MBD5: variants seen among roughly 807,000 people sequenced by gnomAD.
MBD5 encodes the protein methyl-CpG binding domain protein 5.
Under a neutral mutation model 117.3 loss-of-function variants are expected in MBD5, and 13 were observed. The observed-to-expected ratio is 0.11, with a 90% CI of 0.07 to 0.18. The LOEUF is 0.18. MBD5 is among the 10% of genes least tolerant of loss of function. MBD5 has a pLI of 1.00. For missense variants in MBD5, 1,879 were observed against 2,093.8 expected (o/e 0.90, Z 2.00); for synonymous variants, 727 against 766.4 (o/e 0.95, Z 0.85).
chr2:148,103,473 C>G (rs1696284389), intron 1 of MBD5, among the ~76,000 whole-genome samples: 1 of 152,132 alleles, frequency 6.6e-6, no homozygotes, highest in Admixed American at 6.5e-5. Flanking sequence ...GAGGGAGAGC[C>G]AGGACTGTGG....
chr2:148,057,344 C>T (rs1371711798), intron 1 of MBD5, among the ~76,000 whole-genome samples: 1 of 151,704 alleles, frequency 6.6e-6, no homozygotes, highest in Non-Finnish European at 1.5e-5. Context: ...ACTTTAAGTA[C>T]TTACGGCCAT....
intron 4 of MBD5, among the ~76,000 whole-genome samples, chr2:148,420,331 AAC>A (rs1705562198): frequency 6.6e-6 from 1 of 152,194 alleles, no homozygotes; most frequent in Non-Finnish European, 1.5e-5. Context: ...TATTTTCAGT[AAC>A]ACAGTTAGCA....
At chr2:148,040,066 T>C (rs1694312382) in intron 1 of MBD5, among the ~76,000 whole-genome samples, 1 of 152,072 alleles carries the variant, frequency 6.6e-6, no homozygotes, top group Non-Finnish European at 1.5e-5. Context: ...ATCAAAAAAC[T>C]ATGTATTGGG....
intron 1 of MBD5, among the ~76,000 whole-genome samples, chr2:148,140,798 A>AT (rs1260376963): frequency 6.6e-6 from 1 of 150,414 alleles, no homozygotes; most frequent in African/African-American, 2.5e-5. Flanking sequence ...GGCCTATTGT[A>AT]TTGCCCAGGC....
intron 11 of MBD5, among the ~76,000 whole-genome samples, chr2:148,492,820 A>C (rs1175029025): frequency 6.6e-6 from 1 of 152,100 alleles, no homozygotes; most frequent in African/African-American, 2.4e-5. Flanking sequence ...GCCCTAGTTC[A>C]GGAAGAAAAA....
chr2:148,185,679 A>C (rs1161172966), intron 2 of MBD5, among the ~76,000 whole-genome samples: 2 of 152,150 alleles, frequency 1.3e-5, no homozygotes, highest in African/African-American at 2.4e-5. Context: ...AGGTGAGAGG[A>C]TCACTTGAGC....
At chr2:148,313,007 T>C (rs1203011812) in intron 3 of MBD5, among the ~76,000 whole-genome samples, 1 of 152,156 alleles carries the variant, frequency 6.6e-6, no homozygotes, top group African/African-American at 2.4e-5. Context: ...GATTGCTGCC[T>C]GTTCCTTCCT....
At chr2:148,089,757 G>C (rs766177697) in intron 1 of MBD5, among the ~76,000 whole-genome samples, 5 of 151,924 alleles carry the variant, frequency 3.3e-5, no homozygotes, top group Admixed American at 6.6e-5. Flanking sequence ...AGCACAAATA[G>C]ACGATCTAAG....
At chr2:148,353,395 C>A (rs1220773796) in intron 4 of MBD5, among the ~76,000 whole-genome samples, 1 of 152,116 alleles carries the variant, frequency 6.6e-6, no homozygotes, top group African/African-American at 2.4e-5. Flanking sequence ...TCTCTTTCCA[C>A]TTTTCCTTTG....
Position 148,375,913 on chromosome 2 carries a change from G to C in MBD5, c.-557+33577G>C, listed in dbSNP as rs116447189. ...ATCATCGTTCATACTTGAGTGAAAG[G>C]GAGAAGCACATCTGGGGTTGTAGTA... is the stretch of plus-strand genomic sequence containing the variant. On this transcript the variant is annotated intron_variant, in intron 4 of 13. Transcript: ENST00000642680. Among the ~76,000 whole-genome samples, 875 of 151,982 alleles carry C rather than the reference G, an allele frequency of 5.8e-3. 9 individuals are homozygous for C. Among genetic ancestry groups the C allele is most frequent in the Middle Eastern group, 0.02 (6 of 294 alleles).
At chr2:148,074,503 T>G (rs917853611) in intron 1 of MBD5, among the ~76,000 whole-genome samples, 12 of 99,222 alleles carry the variant, frequency 1.2e-4, no homozygotes, top group East Asian at 3.3e-4. Context: ...TTGTTTTTTT[T>G]TTTGTTTTTT....
chr2:148,055,005 G>C (rs1014087767), intron 1 of MBD5: 1 of 152,090 alleles, frequency 6.6e-6, no homozygotes, highest in African/African-American at 2.4e-5. Flanking sequence ...TTAATTTACA[G>C]TTCCCCAATT....
chr2:148,074,781 C>T (rs1053551284), intron 1 of MBD5, among the ~76,000 whole-genome samples: 2 of 152,002 alleles, frequency 1.3e-5, no homozygotes, highest in Non-Finnish European at 1.5e-5. Context: ...GGATTACAGG[C>T]GTGAGCCACC....
chr2:148,266,156 A>G (rs933339191), intron 3 of MBD5, among the ~76,000 whole-genome samples: 1 of 152,134 alleles, frequency 6.6e-6, no homozygotes, highest in Non-Finnish European at 1.5e-5. Flanking sequence ...AAATATTGAT[A>G]AATCAAAGTG....
rs962281147 is a variant in MBD5, at chr2:148,411,903, A to G, written c.-556-46300A>G. 2.0e-5 allele frequency among the ~76,000 whole-genome samples: 3 copies of G among 152,060 alleles called. No individual in the cohort carries two copies. The East Asian group carries it at 5.8e-4, about 29-fold the overall frequency. On this transcript the variant is annotated intron_variant, in intron 4 of 13. Coordinates refer to ENST00000642680, the MANE Select transcript of MBD5 (RefSeq NM_001378120.1). ...TGTTACAATTACTTTTGGCATCTTCATCATGAAATATTTCCCAGGGCCTAT... is the reference window on the plus strand; with the variant it reads ...TGTTACAATTACTTTTGGCATCTTCGTCATGAAATATTTCCCAGGGCCTAT...
At chr2:148,447,403 G>A (rs531330637) in intron 4 of MBD5, among the ~76,000 whole-genome samples, 5 of 152,188 alleles carry the variant, frequency 3.3e-5, no homozygotes, top group Non-Finnish European at 7.4e-5. Context: ...TGGCCCTCCT[G>A]CACACACTGG....
rs554709444 is a variant in MBD5 at position 148,105,278 on chromosome 2, G to A, written c.-924-73422G>A. ...CTGCTGCACAGGCTAGAGTTGAAAA[G>A]CTCAATCTCAGTTCACTGCAACCTC... On this transcript the variant is annotated intron_variant, in intron 1 of 13. Transcript: ENST00000642680. Among the ~76,000 whole-genome samples, 4 of 150,070 alleles carry A rather than the reference G, an allele frequency of 2.7e-5. No homozygotes were observed. The East Asian group carries it at 7.8e-4, about 29-fold the overall frequency.
chr2:148,359,673 A>G (rs1703479973), intron 4 of MBD5, among the ~76,000 whole-genome samples: 1 of 152,182 alleles, frequency 6.6e-6, no homozygotes, highest in Non-Finnish European at 1.5e-5. Flanking sequence ...AGCCAGTTCT[A>G]TAGATCTTTT....
intron 3 of MBD5, among the ~76,000 whole-genome samples, chr2:148,307,007 CCTT>C (rs777481849): frequency 6.4e-4 from 98 of 152,240 alleles, no homozygotes; most frequent in Non-Finnish European, 1.2e-3. Flanking sequence ...AGGGTAACAT[CCTT>C]CTTTTTACAA....
Sources: allele counts gnomAD v4.1 joint callset (sites outside exome capture counted in the v4.1 genomes callset), GRCh38; gene constraint gnomAD v4.1.1; transcripts MANE v1.5; gene names NCBI Gene and HGNC (gene_info 2026-07-23, HGNC 2026-07-21).